Variants in MATN2 observed in about 807,000 individuals in gnomAD.
MATN2 encodes the protein matrilin 2.
MATN2 carries 69 observed loss-of-function variants against 103.2 expected under a neutral mutation model. The observed-to-expected ratio is 0.67, with a 90% CI of 0.55 to 0.82. MATN2 has a LOEUF of 0.82. MATN2 is among the 40% of genes least tolerant of loss of function. MATN2 has a pLI of 0.00. For synonymous variants in MATN2, 429 were observed against 450.2 expected, an observed-to-expected ratio of 0.95 and a Z score of 0.60; for missense variants, 1,023 against 1,211.5, an observed-to-expected ratio of 0.84 and a Z score of 2.31.
At chr8:97,971,786 C>CG (rs1811661290) in intron 5 of MATN2, among the ~76,000 whole-genome samples, 1 of 152,114 alleles carries the variant, frequency 6.6e-6, no homozygotes, top group African/African-American at 2.4e-5. Context: ...ACTTGAAATA[C>CG]ATTTTCTTGA....
intron 4 of MATN2, 106 bp downstream of exon 4, chr8:97,942,005 A>G: frequency 7.3e-7 from 1 of 1,376,636 alleles, no homozygotes. Context: ...CACCCACCCC[A>G]GTTATCATCC....
At chr8:97,901,983 A>G (rs1199020105) in intron 2 of MATN2, among the ~76,000 whole-genome samples, 1 of 152,150 alleles carries the variant, frequency 6.6e-6, no homozygotes, top group African/African-American at 2.4e-5. Flanking sequence ...GTTATAAATT[A>G]TAGCTCATAA....
intron 1 of MATN2, among the ~76,000 whole-genome samples, chr8:97,887,642 T>C (rs1321412059): frequency 1.3e-5 from 2 of 152,236 alleles, no homozygotes; most frequent in Non-Finnish European, 2.9e-5. Flanking sequence ...GAATTTTATA[T>C]GTATAATTTA....
At chr8:98,035,539 GA>G (rs994027746) in intron 18 of MATN2, 117 bp from the exon 19 acceptor site, 7 of 585,824 alleles carry the variant, frequency 1.2e-5, no homozygotes, top group African/African-American at 1.9e-5. Context: ...ACAGAAATGG[GA>G]AAAAAAACCA....
chr8:97,924,601 G>A (rs1809924090), intron 2 of MATN2, among the ~76,000 whole-genome samples: 1 of 152,028 alleles, frequency 6.6e-6, no homozygotes, highest in South Asian at 2.1e-4. Flanking sequence ...CCTGGCCCTT[G>A]ACCGTACTGA....
At chr8:97,887,568 G>A (rs927538195) in intron 1 of MATN2, among the ~76,000 whole-genome samples, 3 of 152,218 alleles carry the variant, frequency 2.0e-5, no homozygotes, top group Non-Finnish European at 2.9e-5. Flanking sequence ...TGTAATAAAT[G>A]TATGTGGGAG....
chr8:97,927,414 C>A (rs1810022843), intron 2 of MATN2, among the ~76,000 whole-genome samples: 1 of 152,114 alleles, frequency 6.6e-6, no homozygotes, highest in African/African-American at 2.4e-5. Context: ...CCTGCCTCGG[C>A]CTCCCAAAGT....
Position 97,996,867 on chromosome 8 carries a change from C to T in MATN2, c.1204+2265C>T, listed in dbSNP as rs563575721. Reference sequence around the variant, plus strand: ...CTTCAGCCCAGGATACAGCCATTTACGTTTAATAGGAGGTTGATGGATGTG... The same window carrying T: ...CTTCAGCCCAGGATACAGCCATTTATGTTTAATAGGAGGTTGATGGATGTG... On this transcript the variant is annotated intron_variant, in intron 7 of 18. Transcript: ENST00000254898. Among the ~76,000 whole-genome samples the T allele has an allele frequency of 6.6e-5, 10 of 152,186 alleles. No homozygotes were observed. In the South Asian group the frequency reaches 1.0e-3, roughly 16 times the overall value.
chr8:97,898,391 T>G (rs1189440343), intron 2 of MATN2, among the ~76,000 whole-genome samples: 1 of 150,772 alleles, frequency 6.6e-6, no homozygotes, highest in Non-Finnish European at 1.5e-5. Flanking sequence ...AGATGAGGAG[T>G]TTGAGACCAG....
intron 6 of MATN2, among the ~76,000 whole-genome samples, chr8:97,988,027 G>T (rs921836386): frequency 6.7e-6 from 1 of 150,288 alleles, no homozygotes. Context: ...AAACTTTGAA[G>T]CATAATACAG....
At chr8:97,952,593 T>TG (rs898140063) in intron 4 of MATN2, among the ~76,000 whole-genome samples, 12 of 52,468 alleles carry the variant, frequency 2.3e-4, no homozygotes, top group African/African-American at 6.4e-4. Flanking sequence ...TGGGAGTCTC[T>TG]GGGGAAACTG....
In MATN2 at chr8:97,909,481, G is replaced by GA. The variant is rs1265970315; in HGVS notation, c.142+21241dup. Among the ~76,000 whole-genome samples, 8 of 152,220 alleles carry GA rather than the reference G, an allele frequency of 5.3e-5. No homozygotes were observed. The East Asian group carries it at 1.5e-3, about 29-fold the overall frequency. On this transcript the variant is annotated intron_variant, in intron 2 of 18. Transcript: ENST00000254898. ...CTCCAGCTCAAAGGATGGGGCTGGG[G>GA]AATCTTTAGATGAGTCGGGGGAAGG...
At chr8:98,014,984 C>T (rs1269962736) in intron 10 of MATN2, among the ~76,000 whole-genome samples, 1 of 152,150 alleles carries the variant, frequency 6.6e-6, no homozygotes, top group Non-Finnish European at 1.5e-5. Context: ...AAAGTCACCA[C>T]TCACCTATCC....
chr8:97,963,971 T>C (rs193049450), intron 5 of MATN2, among the ~76,000 whole-genome samples: 30 of 152,048 alleles, frequency 2.0e-4, no homozygotes, highest in Non-Finnish European at 3.4e-4. Flanking sequence ...ATAGAGAAAA[T>C]ATTGGCCACG....
chr8:98,033,205 A>G, intron 17 of MATN2, 29 bp downstream of exon 17: 13 of 1,567,574 alleles, frequency 8.3e-6, no homozygotes, highest in Non-Finnish European at 1.1e-5. Context: ...TTACTATAAG[A>G]TAACTTGATC....
chr8:97,977,235 C>CAAAAAAA (rs34634037), intron 5 of MATN2, among the ~76,000 whole-genome samples: 20 of 35,938 alleles, frequency 5.6e-4, no homozygotes, highest in African/African-American at 1.6e-3. Context: ...GACCCTGTCT[C>CAAAAAAA]AAAAAAAAAA....
intron 4 of MATN2, among the ~76,000 whole-genome samples, chr8:97,954,270 A>G (rs1246367381): frequency 6.6e-6 from 1 of 152,178 alleles, no homozygotes; most frequent in East Asian, 1.9e-4. Context: ...TCCAAATAAA[A>G]ATTTGGAGAA....
intron 2 of MATN2, among the ~76,000 whole-genome samples, chr8:97,895,784 T>C (rs1487723905): frequency 6.6e-6 from 1 of 152,228 alleles, no homozygotes; most frequent in African/African-American, 2.4e-5. Context: ...GCAAACACTG[T>C]AAGGTAATTC....
At position 98,007,397 on chromosome 8, in the gene MATN2, G is replaced by A. The variant is rs1307514411; in HGVS notation, c.1451-82G>A. 4 of 1,570,362 alleles carry A rather than the reference G, an allele frequency of 2.5e-6. No individual in the cohort carries two copies. Among genetic ancestry groups the A allele is most frequent in the South Asian group, 2.3e-5 (2 of 85,854 alleles). On this transcript the variant is annotated intron_variant, in intron 9 of 18. Transcript: ENST00000254898. This position sits in a 1 kb window ranked among gnomAD's most constrained non-coding sequence, Gnocchi z 4.2. ...CTGCATGCCTTCGAGGGAGGGCGGG[G>A]TGAGCATGACGGTCACTTGATCCAA...
Sources: gnomAD v4.1 joint callset for allele counts (sites outside exome capture counted in the v4.1 genomes callset) on GRCh38, gnomAD v4.1.1 for gene constraint, Gnocchi (gnomAD v3.1) non-coding constraint, MANE v1.5 for transcripts, NCBI Gene and HGNC (gene_info 2026-07-23, HGNC 2026-07-21) for gene names.